Variants in CDH23 observed in about 807,000 individuals in gnomAD.
CDH23 encodes cadherin related 23, also known as cadherin-23.
CDH23 carries 189 observed loss-of-function variants against 317.1 expected under a neutral mutation model. The ratio of observed to expected loss-of-function variants is 0.60; its 90% CI spans 0.53 to 0.67. The LOEUF is 0.67. Ranked by LOEUF, CDH23 falls within the 30% of genes least tolerant of loss-of-function variation. CDH23 has a pLI of 0.00. For synonymous variants in CDH23, 1,839 were observed against 1,876.8 expected, an observed-to-expected ratio of 0.98 and a Z score of 0.52; for missense variants, 4,401 against 4,592.4, an observed-to-expected ratio of 0.96 and a Z score of 1.20.
intron 9 of CDH23, among the ~76,000 whole-genome samples, chr10:71,589,893 T>C (rs1859351674): frequency 6.6e-6 from 1 of 152,258 alleles, no homozygotes; most frequent in Admixed American, 6.5e-5. Flanking sequence ...TCAACTCTTT[T>C]AATCCTCTCA....
chr10:71,668,797 A>G (rs1864019917), intron 14 of CDH23, among the ~76,000 whole-genome samples: 1 of 152,192 alleles, frequency 6.6e-6, no homozygotes, highest in Non-Finnish European at 1.5e-5. Context: ...TTCCCCCACC[A>G]CAGGCTCCTC....
intron 18 of CDH23, among the ~76,000 whole-genome samples, 183 bp from the exon 19 acceptor site, chr10:71,687,464 T>A (rs1864954240): frequency 6.6e-6 from 1 of 152,140 alleles, no homozygotes. Context: ...CTCCTAGAGC[T>A]GTAGCCTGCC....
intron 1 of CDH23, among the ~76,000 whole-genome samples, chr10:71,418,304 T>C (rs1284333806): frequency 6.6e-6 from 1 of 152,212 alleles, no homozygotes; most frequent in Non-Finnish European, 1.5e-5. Context: ...GAAGATTCAT[T>C]GTATCATCCA....
intron 14 of CDH23, chr10:71,647,179 C>A: frequency 1.2e-6 from 1 of 822,314 alleles, no homozygotes; most frequent in Non-Finnish European, 1.5e-6. Flanking sequence ...TAAGTGATTT[C>A]AGGCCGGGCT....
At chr10:71,681,736 G>A (rs1309455194) in intron 17 of CDH23, among the ~76,000 whole-genome samples, 2 of 152,202 alleles carry the variant, frequency 1.3e-5, no homozygotes, top group Admixed American at 6.5e-5. Context: ...AGAAGTTCGA[G>A]ACCAGCCTAG....
chr10:71,771,879 G>C (rs996256456), intron 38 of CDH23, among the ~76,000 whole-genome samples: 2 of 152,104 alleles, frequency 1.3e-5, no homozygotes, highest in Admixed American at 6.5e-5. Context: ...TGGGGCTGCT[G>C]AACAGAGGGC....
chr10:71,451,043 G>A (rs1415809322), intron 3 of CDH23, among the ~76,000 whole-genome samples: 3 of 152,056 alleles, frequency 2.0e-5, no homozygotes, highest in East Asian at 1.9e-4. Flanking sequence ...CTCAGCTGTG[G>A]CTCCATCCTG....
At position 71,808,026 on chromosome 10, in the gene CDH23, T is replaced by C. The variant is rs769087792; in HGVS notation, c.8722+19T>C. 15 of 1,569,108 alleles carry C rather than the reference T, an allele frequency of 9.6e-6. No homozygotes were observed. The South Asian group carries it at 1.4e-4, about 15-fold the overall frequency. On this transcript the variant is annotated intron_variant, in intron 60 of 69. Transcript: ENST00000224721. ...ACCATGGGTAGGGCCTGGCAGCACA[T>C]GAGTGGCCTCTAGCCATGACCTCTC... is the stretch of plus-strand genomic sequence containing the variant.
intron 38 of CDH23, chr10:71,773,335 C>G (rs778387705): frequency 5.7e-5 from 91 of 1,588,818 alleles, no homozygotes; most frequent in Non-Finnish European, 7.5e-5. Context: ...TTTTTCCCAG[C>G]GCCCCGCCTC....
At chr10:71,546,853 C>T (rs887700064) in intron 6 of CDH23, among the ~76,000 whole-genome samples, 2 of 152,176 alleles carry the variant, frequency 1.3e-5, no homozygotes, top group African/African-American at 2.4e-5. Context: ...GTCAGTGTGC[C>T]TCCACTTCCC....
At chr10:71,723,519 G>A (rs1050736820) in intron 28 of CDH23, among the ~76,000 whole-genome samples, 7 of 152,226 alleles carry the variant, frequency 4.6e-5, no homozygotes, top group Non-Finnish European at 1.5e-5. Flanking sequence ...GCGTGTGAAT[G>A]AGCATGGAGC....
intron 38 of CDH23, among the ~76,000 whole-genome samples, chr10:71,742,967 C>A (rs1228512070): frequency 6.6e-6 from 1 of 152,180 alleles, no homozygotes; most frequent in African/African-American, 2.4e-5. Flanking sequence ...GGCTCGCCAG[C>A]AGCTGGGGTG....
chr10:71,532,721 T>TGG (rs796615067), intron 6 of CDH23, among the ~76,000 whole-genome samples: 1 of 36,104 alleles, frequency 2.8e-5, no homozygotes, highest in Admixed American at 2.5e-4. Flanking sequence ...GTTTTTTTTT[T>TGG]TTTTTGTTTT....
intron 30 of CDH23, among the ~76,000 whole-genome samples, chr10:71,728,190 C>G (rs78865428): frequency 1.3e-4 from 20 of 151,970 alleles, no homozygotes; most frequent in South Asian, 6.3e-4. Context: ...CATGCAAACT[C>G]CCCCCCGCAC....
intron 6 of CDH23, among the ~76,000 whole-genome samples, chr10:71,555,801 C>T (rs2132327916): frequency 6.6e-6 from 1 of 152,254 alleles, no homozygotes; most frequent in South Asian, 2.1e-4. Flanking sequence ...AAGTCAAGCT[C>T]CTGAGAAGAA....
At chr10:71,696,508 C>T (rs1377452829) in intron 22 of CDH23, among the ~76,000 whole-genome samples, 1 of 152,258 alleles carries the variant, frequency 6.6e-6, no homozygotes, top group African/African-American at 2.4e-5. Flanking sequence ...GCGGTCAGGA[C>T]TCGAACCCTG....
chr10:71,532,579 T>C (rs546477218), intron 6 of CDH23, among the ~76,000 whole-genome samples: 1 of 152,288 alleles, frequency 6.6e-6, no homozygotes, highest in South Asian at 2.1e-4. Flanking sequence ...GGTCCACTTT[T>C]AACTCCCTCT....
intron 11 of CDH23, among the ~76,000 whole-genome samples, chr10:71,618,219 C>G (rs986273261): frequency 3.9e-5 from 6 of 152,046 alleles, no homozygotes; most frequent in African/African-American, 1.4e-4. Context: ...TAAGAAGACC[C>G]CTGCATCACC....
At chr10:71,434,096 C>A (rs546699529) in intron 1 of CDH23, among the ~76,000 whole-genome samples, 1 of 152,124 alleles carries the variant, frequency 6.6e-6, no homozygotes, top group Non-Finnish European at 1.5e-5. Context: ...GCTCCTCAAG[C>A]GCACTAGGCA....
Sources: gnomAD v4.1 joint callset for allele counts (sites outside exome capture counted in the v4.1 genomes callset) on GRCh38, gnomAD v4.1.1 for gene constraint, MANE v1.5 for transcripts, NCBI Gene and HGNC (gene_info 2026-07-23, HGNC 2026-07-21) for gene names.